The following PDE1A variants were observed in gnomAD, a reference collection of about 807,000 sequenced individuals.
PDE1A encodes the protein dual specificity calcium/calmodulin-dependent 3',5'-cyclic nucleotide phosphodiesterase 1A.
A neutral mutation model predicts 61.7 loss-of-function variants in PDE1A; 35 were observed. That is an observed-to-expected ratio of 0.57 (90% CI 0.43 to 0.75). The LOEUF is 0.75. Among genes scored for constraint, PDE1A ranks in the 30% least tolerant of loss-of-function variants. The probability of loss-of-function intolerance (pLI) is 0.00; values close to 1 mark genes in which losing one functional copy is unlikely to be tolerated. For missense variants in PDE1A, 597 were observed against 630.6 expected (o/e 0.95, Z 0.57); for synonymous variants, 232 against 213.2 (o/e 1.09, Z -0.77).
chr2:182,526,708 G>A (rs1690778277), upstream of PDE1A, among the ~76,000 whole-genome samples: 1 of 152,162 alleles, frequency 6.6e-6, no homozygotes. Context: ...TGGCATCCAA[G>A]GTTACCTAGA....
chr2:182,165,243 CTG>C (rs1426414090), downstream of PDE1A, among the ~76,000 whole-genome samples: 1 of 152,150 alleles, frequency 6.6e-6, no homozygotes, highest in Non-Finnish European at 1.5e-5. Flanking sequence ...TTTTTTCTCA[CTG>C]TTTCTGCAAC....
At chr2:182,552,086 AT>A in the PDE1A span, among the ~76,000 whole-genome samples, 1 of 152,184 alleles carries the variant, frequency 6.6e-6, no homozygotes, top group South Asian at 2.1e-4. Flanking sequence ...CCTTTAAAAA[AT>A]ATTTTAAAAG....
At chr2:182,495,599 T>C (rs552286664) in intron 2 of PDE1A, among the ~76,000 whole-genome samples, 1 of 152,346 alleles carries the variant, frequency 6.6e-6, no homozygotes, top group South Asian at 2.1e-4. Flanking sequence ...TTTTAAAATA[T>C]GGACCTTTAA....
chr2:182,380,258 C>T (rs546883286), intron 1 of PDE1A, among the ~76,000 whole-genome samples: 5 of 152,138 alleles, frequency 3.3e-5, no homozygotes, highest in Admixed American at 3.3e-4. Flanking sequence ...CTACAGGCTC[C>T]TGCCACCACG....
chr2:182,443,895 G>A (rs1039102123), intron 2 of PDE1A, among the ~76,000 whole-genome samples: 1 of 151,896 alleles, frequency 6.6e-6, no homozygotes, highest in African/African-American at 2.4e-5. Context: ...TAGAGATGAG[G>A]TTTCTCCATG....
chr2:182,315,841 T>C (rs1044088055), intron 1 of PDE1A, among the ~76,000 whole-genome samples: 2 of 152,146 alleles, frequency 1.3e-5, no homozygotes, highest in Admixed American at 1.3e-4. Flanking sequence ...GGAAATTCAA[T>C]ATACATTTTG....
the PDE1A span, among the ~76,000 whole-genome samples, chr2:182,710,102 G>A: frequency 8.5e-5 from 13 of 152,230 alleles, no homozygotes; most frequent in East Asian, 7.7e-4. Context: ...TCACCATGTT[G>A]GCCAGGATGG....
chr2:182,640,475 G>A, the PDE1A span, among the ~76,000 whole-genome samples: 1 of 151,772 alleles, frequency 6.6e-6, no homozygotes, highest in Non-Finnish European at 1.5e-5. Context: ...CTGTCAGCTG[G>A]GAATAAAAAT....
chr2:182,308,769 T>C (rs1695769245), intron 1 of PDE1A, among the ~76,000 whole-genome samples: 1 of 152,098 alleles, frequency 6.6e-6, no homozygotes, highest in South Asian at 2.1e-4. Context: ...TACTTTTTTA[T>C]ATTTAGTTGA....
At chr2:182,676,122 A>G in the PDE1A span, among the ~76,000 whole-genome samples, 99,284 of 151,914 alleles carry the variant, frequency 0.65, 32,821 homozygotes, top group Middle Eastern at 0.78. Context: ...ACCAAAAAAA[A>G]CCATTCAAAA....
chr2:182,452,393 G>A (rs1377663804), intron 2 of PDE1A, among the ~76,000 whole-genome samples: 1 of 152,126 alleles, frequency 6.6e-6, no homozygotes, highest in Non-Finnish European at 1.5e-5. Context: ...GCACATATGT[G>A]TAGGGGATGA....
the PDE1A span, among the ~76,000 whole-genome samples, chr2:182,683,636 AC>A: frequency 1.3e-5 from 2 of 152,230 alleles, no homozygotes; most frequent in Non-Finnish European, 2.9e-5. Flanking sequence ...TATATCAAAA[AC>A]TGTTTAAATC....
chr2:182,170,626 G>A (rs1377238314), intron 13 of PDE1A, among the ~76,000 whole-genome samples: 1 of 151,990 alleles, frequency 6.6e-6, no homozygotes, highest in Non-Finnish European at 1.5e-5. Context: ...GTATACACCT[G>A]TGATGCTGGA....
intron 4 of PDE1A, among the ~76,000 whole-genome samples, 198 bp downstream of exon 4, chr2:182,234,234 T>C (rs573263298): frequency 6.6e-6 from 1 of 152,352 alleles, no homozygotes; most frequent in East Asian, 1.9e-4. Context: ...ATATAGTTTG[T>C]GTAAATCAGT....
At chr2:182,552,951 C>T in the PDE1A span, among the ~76,000 whole-genome samples, 735 of 152,322 alleles carry the variant, frequency 4.8e-3, 2 homozygotes, top group Non-Finnish European at 8.6e-3. Flanking sequence ...TGACTCCCAT[C>T]CCTCCAGATC....
rs551866188 is a variant in PDE1A, at chr2:182,220,347, C to T, written c.776+3517G>A. Among the ~76,000 whole-genome samples, 15 of 152,126 alleles carry T rather than the reference C, an allele frequency of 9.9e-5. No individual in the cohort carries two copies. The South Asian group carries it at 2.9e-3, about 29-fold the overall frequency. On this transcript the variant is annotated intron_variant, in intron 7 of 13. Coordinates refer to ENST00000351439, the Ensembl canonical transcript of PDE1A. ...AGCTGTGATTTTCCAGTAACATTTG[C>T]ACTATATGGCACCAAATCTAGCCAT...
Position 182,266,087 on chromosome 2 carries a change from G to A in PDE1A, c.54-1673C>T, listed in dbSNP as rs192995667. Among the ~76,000 whole-genome samples the A allele has an allele frequency of 5.9e-5, 9 of 152,144 alleles. No homozygotes were observed. In the East Asian group the frequency reaches 1.2e-3, roughly 20 times the overall value. On this transcript the variant is annotated intron_variant, in intron 1 of 13. Coordinates refer to ENST00000351439, the Ensembl canonical transcript of PDE1A. ...AAAAAAGACACACCTAAATGAAAAC[G>A]TCTTACTCAGGAAGCTGTAAACAAT...
At chr2:182,671,745 A>G in the PDE1A span, among the ~76,000 whole-genome samples, 8 of 148,760 alleles carry the variant, frequency 5.4e-5, no homozygotes, top group Middle Eastern at 3.7e-3. Flanking sequence ...TCAGCCTCCC[A>G]AGTAGCTGGT....
intron 2 of PDE1A, among the ~76,000 whole-genome samples, chr2:182,263,036 C>T (rs1574186435): frequency 6.7e-6 from 1 of 149,764 alleles, no homozygotes; most frequent in East Asian, 2.0e-4. Context: ...TAAATAAAAA[C>T]CAATGTTATT....
Sources: allele counts gnomAD v4.1 joint callset (sites outside exome capture counted in the v4.1 genomes callset), GRCh38; gene constraint gnomAD v4.1.1; transcripts MANE v1.5; gene names NCBI Gene and HGNC (gene_info 2026-07-23, HGNC 2026-07-21).